Variants in PCA3 observed in about 807,000 individuals in gnomAD.
PCA3 encodes the protein Differential Display code 3.
chr9:76,776,487 A>G (rs2053759959), intron 2 of PCA3, among the ~76,000 whole-genome samples: 1 of 149,128 alleles, frequency 6.7e-6, no homozygotes, highest in African/African-American at 2.5e-5. Flanking sequence ...GTATACATTT[A>G]CACCACATTT....
intron 2 of PCA3, among the ~76,000 whole-genome samples, chr9:76,780,904 C>A (rs1039830019): frequency 6.6e-6 from 1 of 152,084 alleles, no homozygotes; most frequent in Non-Finnish European, 1.5e-5. Context: ...GTGCCTGCAA[C>A]CCTCATCCCC....
intron 2 of PCA3, among the ~76,000 whole-genome samples, chr9:76,774,914 G>T (rs2053573205): frequency 6.6e-6 from 1 of 152,166 alleles, no homozygotes; most frequent in African/African-American, 2.4e-5. Flanking sequence ...ATTACTTTTT[G>T]TTGCTGAGCT....
At chr9:76,787,344 G>C (rs530641049) in intron 2 of PCA3, 4 of 151,116 alleles carry the variant, frequency 2.6e-5, no homozygotes, top group African/African-American at 9.7e-5. Flanking sequence ...ATTTGATTTA[G>C]TTTCAATTTA....
chr9:76,770,542 A>AAT (rs1291503801), intron 2 of PCA3, among the ~76,000 whole-genome samples: 1 of 152,218 alleles, frequency 6.6e-6, no homozygotes, highest in African/African-American at 2.4e-5. Flanking sequence ...TGGATTATGA[A>AAT]ATATCTGGTG....
At chr9:76,767,241 C>T (rs535283872) in intron 2 of PCA3, among the ~76,000 whole-genome samples, 5 of 152,234 alleles carry the variant, frequency 3.3e-5, no homozygotes, top group African/African-American at 1.2e-4. Context: ...CACTTGAGGT[C>T]GGGAGTTCAA....
In PCA3 at chr9:76,787,462, G is replaced by A. The variant is rs186615971; in HGVS notation, n.853-21121G>A. ...ATGTGGGACTTAAAACCTAGATGAT[G>A]GGTTGATAGGTGCAGCAAACCACTA... On this transcript the variant is annotated intron_variant and non_coding_transcript_variant, in intron 2 of 5. Transcript: ENST00000644657. The A allele has an allele frequency of 5.0e-3, 757 of 152,068 alleles. 4 individuals are homozygous for A. The highest frequency in any genetic ancestry group is 0.017 in the African/African-American group (719 of 41,468). The allele number at this position is 152,068 out of a possible 1,614,324, so 9.4% of individuals were successfully genotyped here.
At position 76,780,845 on chromosome 9, in the gene PCA3, C is replaced by T. The variant is rs530566971; in HGVS notation, n.853-27738C>T. Among the ~76,000 whole-genome samples the T allele has an allele frequency of 1.8e-4, 27 of 152,324 alleles. No homozygotes were observed. In the South Asian group the frequency reaches 5.4e-3, roughly 30 times the overall value. On this transcript the variant is annotated intron_variant and non_coding_transcript_variant, in intron 2 of 5. Coordinates refer to ENST00000644657, the Ensembl canonical transcript of PCA3. Reference sequence around the variant, plus strand: ...CTCCTCCATCGTATCGGGAGATGCCCAGGTGGGGATCTGCCCAGGACCACG... The same window carrying T: ...CTCCTCCATCGTATCGGGAGATGCCTAGGTGGGGATCTGCCCAGGACCACG...
intron 2 of PCA3, among the ~76,000 whole-genome samples, chr9:76,779,460 C>T (rs764918092): frequency 2.0e-5 from 3 of 152,154 alleles, no homozygotes; most frequent in Non-Finnish European, 4.4e-5. Context: ...TTATGGGATG[C>T]ACTTATGAAA....
At chr9:76,785,188 T>C (rs1022644298) in intron 2 of PCA3, 1 of 152,246 alleles carries the variant, frequency 6.6e-6, no homozygotes, top group African/African-American at 2.4e-5. Flanking sequence ...ATGTCAGGCA[T>C]ACATTATTCC....
At chr9:76,765,635 T>C (rs549828459) in intron 2 of PCA3, among the ~76,000 whole-genome samples, 3 of 152,154 alleles carry the variant, frequency 2.0e-5, no homozygotes, top group Admixed American at 6.5e-5. Context: ...CCTCCACCCA[T>C]CCTTCCCTCC....
chr9:76,782,341 C>G (rs1328216574), intron 2 of PCA3, among the ~76,000 whole-genome samples: 1 of 152,182 alleles, frequency 6.6e-6, no homozygotes, highest in Non-Finnish European at 1.5e-5. Context: ...TGGGGAGGAA[C>G]AGTCAGCATT....
chr9:76,764,629 G>C (rs748756249), intron 2 of PCA3: 21 of 152,392 alleles, frequency 1.4e-4, no homozygotes, highest in Non-Finnish European at 2.5e-4. Context: ...GTTTAAAGTT[G>C]GGGAAGAGGT....
At position 76,768,478 on chromosome 9, in the gene PCA3, C is replaced by T. The variant is rs1242038303; in HGVS notation, n.852+31863C>T. On this transcript the variant is annotated intron_variant and non_coding_transcript_variant, in intron 2 of 5. Coordinates refer to ENST00000644657, the Ensembl canonical transcript of PCA3. Reference sequence around the variant, plus strand: ...AAAGTGCTGGGATTACAGGCATGGGCTACTACTCCTGGCCCCATTTCAACA... The same window carrying T: ...AAAGTGCTGGGATTACAGGCATGGGTTACTACTCCTGGCCCCATTTCAACA... 3.9e-5 allele frequency among the ~76,000 whole-genome samples: 6 copies of T among 152,116 alleles called. No homozygotes were observed. The East Asian group carries it at 1.2e-3, about 29-fold the overall frequency.
In PCA3 at chr9:76,776,820, GT is replaced by G. The variant is rs200859225; in HGVS notation, n.853-31749del. Among the ~76,000 whole-genome samples, 904 of 128,916 alleles carry G rather than the reference GT, an allele frequency of 7.0e-3. 4 individuals carry two copies. Among genetic ancestry groups the G allele is most frequent in the East Asian group, 0.029 (128 of 4,368 alleles). 84.6% of individuals were successfully genotyped at this position (128,916 alleles called of 152,430 possible). On this transcript the variant is annotated intron_variant and non_coding_transcript_variant, in intron 2 of 5. Transcript: ENST00000644657. ...TATGAGCCACTGTGTCCAGCCAGCA[GT>G]TTTTTTTTTTTTTGTATGTTTGAAG...
intron 2 of PCA3, among the ~76,000 whole-genome samples, chr9:76,770,880 C>A (rs192821745): frequency 6.6e-6 from 1 of 151,710 alleles, no homozygotes; most frequent in Admixed American, 6.6e-5. Context: ...ACTATCAATG[C>A]GAAAGTAAAT....
At chr9:76,783,192 A>G (rs1220461238) in intron 2 of PCA3, among the ~76,000 whole-genome samples, 2 of 152,218 alleles carry the variant, frequency 1.3e-5, no homozygotes, top group Non-Finnish European at 2.9e-5. Context: ...GTTCGAGTGC[A>G]ATGGCACAAT....
rs1230050608 is a variant in PCA3, at chr9:76,773,505, G to A, written n.853-35078G>A. 2.1e-5 allele frequency among the ~76,000 whole-genome samples: 3 copies of A among 145,804 alleles called. No homozygotes were observed. In the Admixed American group the frequency reaches 2.1e-4, roughly 10 times the overall value. On this transcript the variant is annotated intron_variant and non_coding_transcript_variant, in intron 2 of 5. Coordinates refer to ENST00000644657, the Ensembl canonical transcript of PCA3. Reference sequence around the variant, plus strand: ...GTCGCCCAGGCTGGAGTGCAGTGGTGCAATCTTGGCTCACTGTAACCTCCA... The same window carrying A: ...GTCGCCCAGGCTGGAGTGCAGTGGTACAATCTTGGCTCACTGTAACCTCCA...
intron 2 of PCA3, among the ~76,000 whole-genome samples, chr9:76,774,456 T>TTATTTATTTATTTA (rs1554761633): frequency 4.5e-5 from 6 of 133,810 alleles, no homozygotes; most frequent in Non-Finnish European, 8.3e-5. Flanking sequence ...AACCCTTTTT[T>TTATTTATTTATTTA]TTTTTTTTTT....
Position 76,781,610 on chromosome 9 carries a change from C to A in PCA3, n.853-26973C>A, listed in dbSNP as rs191871191. 5.0e-3 allele frequency among the ~76,000 whole-genome samples: 765 copies of A among 152,310 alleles called. 4 individuals are homozygous for A. Among genetic ancestry groups the A allele is most frequent in the African/African-American group, 0.017 (727 of 41,570 alleles). ...ACATTTTCTTATAACAGCATCCAAT[C>A]ATTTTCTTCATAGCACTTAAATTAG... On this transcript the variant is annotated intron_variant and non_coding_transcript_variant, in intron 2 of 5. Transcript: ENST00000644657.
Sources: allele counts gnomAD v4.1 joint callset (sites outside exome capture counted in the v4.1 genomes callset), GRCh38; gene constraint gnomAD v4.1.1; transcripts MANE v1.5; gene names NCBI Gene and HGNC (gene_info 2026-07-23, HGNC 2026-07-21).